DHX35: variants seen among roughly 807,000 people sequenced by gnomAD.
DHX35 encodes probable ATP-dependent RNA helicase DHX35.
In DHX35, 84 loss-of-function variants were observed where a neutral mutation model predicts 99.6. That is an observed-to-expected ratio of 0.84 (90% CI 0.71 to 1.01). The LOEUF (loss-of-function observed/expected upper bound fraction) is 1.01. Ranked by LOEUF, DHX35 falls within the 50% of genes least tolerant of loss-of-function variation. The pLI, the probability that DHX35 is intolerant of heterozygous loss-of-function variation, is 0.00. For synonymous variants in DHX35, 331 were observed against 316.2 expected, an observed-to-expected ratio of 1.05 and a Z score of -0.50; for missense variants, 852 against 888.5, an observed-to-expected ratio of 0.96 and a Z score of 0.52.
chr20:38,994,932 A>G (rs748973296), intron 8 of DHX35, 52 bp downstream of exon 8: 4 of 1,539,594 alleles, frequency 2.6e-6, no homozygotes, highest in Admixed American at 1.7e-5. Flanking sequence ...CTTTTGTCCT[A>G]TATATCCTTG....
chr20:38,997,393 TACTA>T (rs1165461124), intron 8 of DHX35, among the ~76,000 whole-genome samples: 13 of 152,106 alleles, frequency 8.5e-5, no homozygotes, highest in African/African-American at 2.9e-4. Flanking sequence ...AATTAATACT[TACTA>T]ATTGTTCACA....
chr20:39,003,046 G>A (rs1023283670), intron 10 of DHX35, among the ~76,000 whole-genome samples, 178 bp downstream of exon 10: 2 of 152,184 alleles, frequency 1.3e-5, no homozygotes, highest in African/African-American at 2.4e-5. Flanking sequence ...TCAGGGACTC[G>A]TTAGCCCCTG....
At chr20:38,981,154 G>T (rs6028236) in intron 3 of DHX35, among the ~76,000 whole-genome samples, 1 of 151,964 alleles carries the variant, frequency 6.6e-6, no homozygotes, top group Non-Finnish European at 1.5e-5. Context: ...GCTTTTGCCT[G>T]TGAAACTACT....
rs376325353 is a variant in DHX35, at chr20:38,992,443, G to A, written c.582+18G>A. On this transcript the variant is annotated intron_variant, in intron 7 of 21. Coordinates refer to ENST00000252011, the MANE Select transcript of DHX35 (RefSeq NM_021931.4). ...TAAAAAAGGTATGACTTCACTGCCAGCTTTTCATTGTGTGTGTTTATTTTA... is the reference window on the plus strand; with the variant it reads ...TAAAAAAGGTATGACTTCACTGCCAACTTTTCATTGTGTGTGTTTATTTTA... The A allele has an allele frequency of 4.5e-5, 73 of 1,612,846 alleles. No individual in the cohort carries two copies. In the African/African-American group the frequency reaches 9.5e-4, roughly 21 times the overall value.
At position 39,001,843 on chromosome 20, in the gene DHX35, G is replaced by C. The variant is rs778778856; in HGVS notation, c.755+1G>C. ...CGGTGGATATCTTTTATCTACAAAG[G>C]TTTGATGATGCTTGAATTCTGGATG... On this transcript the variant is annotated splice_donor_variant, in intron 9 of 21. Coordinates refer to ENST00000252011, the MANE Select transcript of DHX35 (RefSeq NM_021931.4). LOFTEE classifies it high-confidence loss of function. 1 of 1,599,994 alleles carries C rather than the reference G, an allele frequency of 6.3e-7. No individual in the cohort carries two copies. The highest frequency in any genetic ancestry group is 8.6e-7 in the Non-Finnish European group (1 of 1,168,616).
At position 38,985,397 on chromosome 20, in the gene DHX35, G is replaced by A. The variant is rs934618792; in HGVS notation, c.345+1621G>A. Among the ~76,000 whole-genome samples, 238 of 146,038 alleles carry A rather than the reference G, an allele frequency of 1.6e-3. 1 individual carries two copies. The highest frequency in any genetic ancestry group is 5.9e-3 in the African/African-American group (233 of 39,646). On this transcript the variant is annotated intron_variant, in intron 4 of 21. Coordinates refer to ENST00000252011, the MANE Select transcript of DHX35 (RefSeq NM_021931.4). ...TCCAAAAAAAAAAAAAAAAAAAAAG[G>A]CTTAAAGAAAAGGAAGTAGGGCCTT...
intron 4 of DHX35, among the ~76,000 whole-genome samples, 172 bp downstream of exon 4, chr20:38,983,948 T>C (rs1006398376): frequency 6.6e-6 from 1 of 152,178 alleles, no homozygotes; most frequent in Admixed American, 6.5e-5. Context: ...CTCACTCTGT[T>C]GCCCAGGCTG....
intron 3 of DHX35, among the ~76,000 whole-genome samples, chr20:38,974,890 A>G (rs989194913): frequency 6.6e-6 from 1 of 152,208 alleles, no homozygotes; most frequent in South Asian, 2.1e-4. Context: ...CAGCCAACAG[A>G]GCGGCCAGGG....
At chr20:38,978,188 A>T (rs1202066978) in intron 3 of DHX35, 2 of 1,033,516 alleles carry the variant, frequency 1.9e-6, no homozygotes, top group Non-Finnish European at 3.0e-6. Flanking sequence ...GACATTTTCA[A>T]AGTTGCCAGT....
At position 39,014,965 on chromosome 20, in the gene DHX35, A is replaced by G. The variant is rs777837317; in HGVS notation, c.1402+31A>G. 1.4e-4 allele frequency: 229 copies of G among 1,612,822 alleles called. 2 individuals are homozygous for G. In the South Asian group the frequency reaches 2.4e-3, roughly 17 times the overall value. On this transcript the variant is annotated intron_variant, in intron 14 of 21. Transcript: ENST00000252011. ...CCAGTTTCTCTCATCATTCTCTCTTATTATGTGTTGTCTTTTGTGATATTA... is the reference window on the plus strand; with the variant it reads ...CCAGTTTCTCTCATCATTCTCTCTTGTTATGTGTTGTCTTTTGTGATATTA...
At chr20:39,019,188 C>T (rs1179989121) in intron 15 of DHX35, among the ~76,000 whole-genome samples, 1 of 152,108 alleles carries the variant, frequency 6.6e-6, no homozygotes, top group African/African-American at 2.4e-5. Flanking sequence ...CTCCTCTGCC[C>T]CGCCCCTGGC....
At chr20:39,032,547 TG>T (rs2145948572) in intron 20 of DHX35, among the ~76,000 whole-genome samples, 1 of 151,864 alleles carries the variant, frequency 6.6e-6, no homozygotes, top group South Asian at 2.1e-4. Context: ...GGAAAAAGGG[TG>T]GGGTGTGTGT....
rs186848594 is a variant in DHX35 at position 38,987,523 on chromosome 20, C to T, written c.346-1290C>T. ...TGCTGGGATTGTAGGTGTGAACCAC[C>T]GCGTCCGGTCCTATTTTCTTTTAAA... On this transcript the variant is annotated intron_variant, in intron 4 of 21. Coordinates refer to ENST00000252011, the MANE Select transcript of DHX35 (RefSeq NM_021931.4). 1.9e-3 allele frequency among the ~76,000 whole-genome samples: 289 copies of T among 152,280 alleles called. 1 individual carries two copies. The highest frequency in any genetic ancestry group is 3.1e-3 in the Non-Finnish European group (213 of 68,022).
intron 20 of DHX35, among the ~76,000 whole-genome samples, chr20:39,031,857 A>T (rs2087059787): frequency 6.6e-6 from 1 of 152,228 alleles, no homozygotes; most frequent in Non-Finnish European, 1.5e-5. Flanking sequence ...TAGCAGGGGC[A>T]GAGCCATGGA....
intron 21 of DHX35, among the ~76,000 whole-genome samples, 154 bp downstream of exon 21, chr20:39,034,471 G>A (rs2087111488): frequency 6.6e-6 from 1 of 152,072 alleles, no homozygotes; most frequent in Non-Finnish European, 1.5e-5. Flanking sequence ...AAACATTCTG[G>A]GAAAGCACTC....
intron 20 of DHX35, among the ~76,000 whole-genome samples, chr20:39,031,019 C>G (rs555018702): frequency 3.4e-4 from 51 of 152,204 alleles, no homozygotes; most frequent in Non-Finnish European, 6.5e-4. Flanking sequence ...AAAAATTAGC[C>G]AGGCGTGATG....
intron 3 of DHX35, among the ~76,000 whole-genome samples, chr20:38,973,560 A>T (rs968317695): frequency 6.6e-6 from 1 of 152,334 alleles, no homozygotes; most frequent in South Asian, 2.1e-4. Context: ...AGTTTTGCGT[A>T]TATTTGGAAT....
intron 13 of DHX35, among the ~76,000 whole-genome samples, chr20:39,013,731 G>A (rs1239115813): frequency 6.6e-6 from 1 of 152,190 alleles, no homozygotes; most frequent in Non-Finnish European, 1.5e-5. Context: ...CTTCATTTAA[G>A]TGTTGCCCAT....
At chr20:39,014,813 A>G in intron 13 of DHX35, 67 bp from the exon 14 acceptor site, 6 of 1,591,550 alleles carry the variant, frequency 3.8e-6, no homozygotes, top group Non-Finnish European at 4.3e-6. Context: ...TTGAAAAGGA[A>G]ACAGCCACAT....
Sources: gnomAD v4.1 joint callset for allele counts (sites outside exome capture counted in the v4.1 genomes callset) on GRCh38, gnomAD v4.1.1 for gene constraint, MANE v1.5 for transcripts, NCBI Gene and HGNC (gene_info 2026-07-23, HGNC 2026-07-21) for gene names.